Variants in PTPRM observed in about 807,000 individuals in gnomAD.
PTPRM encodes the protein receptor-type tyrosine-protein phosphatase mu.
PTPRM carries 47 observed loss-of-function variants against 186.7 expected under a neutral mutation model. The observed-to-expected ratio is 0.25, with a 90% CI of 0.20 to 0.32. The LOEUF (loss-of-function observed/expected upper bound fraction) is 0.32, where lower values mean the gene tolerates loss of function less well. Among genes scored for constraint, PTPRM ranks in the 10% least tolerant of loss-of-function variants. PTPRM has a pLI of 1.00. For synonymous variants in PTPRM, 668 were observed against 674.9 expected (o/e 0.99, Z 0.16); for missense variants, 1,494 against 1,865.0 (o/e 0.80, Z 3.66).
At chr18:7,750,225 T>G (rs533285373) in intron 1 of PTPRM, among the ~76,000 whole-genome samples, 1 of 152,360 alleles carries the variant, frequency 6.6e-6, no homozygotes, top group South Asian at 2.1e-4. Context: ...TAAGCTAAAT[T>G]TAAGTTTATA....
chr18:8,000,671 A>G (rs1379838808), intron 7 of PTPRM, among the ~76,000 whole-genome samples: 1 of 152,158 alleles, frequency 6.6e-6, no homozygotes, highest in Non-Finnish European at 1.5e-5. Flanking sequence ...CTTTAAACCT[A>G]CCTTTTTTGT....
At chr18:7,970,629 A>G (rs1356024868) in intron 7 of PTPRM, among the ~76,000 whole-genome samples, 7 of 93,258 alleles carry the variant, frequency 7.5e-5, no homozygotes, top group South Asian at 4.5e-4. Flanking sequence ...TACAAAATCA[A>G]TGTACAAAAA....
intron 1 of PTPRM, among the ~76,000 whole-genome samples, chr18:7,593,850 G>A (rs1431070073): frequency 6.6e-6 from 1 of 152,164 alleles, no homozygotes; most frequent in Non-Finnish European, 1.5e-5. Context: ...ACAGCTTGGT[G>A]AAGAAGACCA....
At chr18:7,906,377 A>C (rs1462195890) in intron 3 of PTPRM, 128 bp from the exon 4 acceptor site, 25 of 704,202 alleles carry the variant, frequency 3.6e-5, no homozygotes, top group Non-Finnish European at 6.2e-5. Flanking sequence ...ATTGACTAGC[A>C]GATGTTACGT....
At chr18:7,572,340 T>G (rs2036584729) in intron 1 of PTPRM, among the ~76,000 whole-genome samples, 1 of 152,174 alleles carries the variant, frequency 6.6e-6, no homozygotes, top group African/African-American at 2.4e-5. Flanking sequence ...TATAAATTCT[T>G]TATAAATGAA....
intron 19 of PTPRM, among the ~76,000 whole-genome samples, chr18:8,293,833 C>T (rs931604413): frequency 2.6e-5 from 4 of 152,088 alleles, no homozygotes; most frequent in Admixed American, 1.3e-4. Context: ...AATCAACTAG[C>T]GATTTTTAAT....
At chr18:7,847,419 A>G (rs914648551) in intron 2 of PTPRM, among the ~76,000 whole-genome samples, 6 of 152,064 alleles carry the variant, frequency 3.9e-5, no homozygotes, top group African/African-American at 1.4e-4. Context: ...CACCCGCCTC[A>G]GCCTCCTAAA....
intron 8 of PTPRM, among the ~76,000 whole-genome samples, chr18:8,071,446 C>A (rs2089470188): frequency 6.6e-6 from 1 of 152,056 alleles, no homozygotes; most frequent in Non-Finnish European, 1.5e-5. Context: ...TTTTTCTATT[C>A]TAATGTCCCC....
At chr18:7,790,642 T>C (rs956824302) in intron 2 of PTPRM, among the ~76,000 whole-genome samples, 1 of 152,242 alleles carries the variant, frequency 6.6e-6, no homozygotes, top group Non-Finnish European at 1.5e-5. Flanking sequence ...CTAAGACTTA[T>C]CTTTGACAAA....
intron 20 of PTPRM, among the ~76,000 whole-genome samples, chr18:8,311,892 G>C (rs1365087639): frequency 6.6e-6 from 1 of 152,196 alleles, no homozygotes; most frequent in East Asian, 1.9e-4. Flanking sequence ...CAGCCCATGG[G>C]TGGTAAATCA....
chr18:7,607,158 G>A (rs2037551036), intron 1 of PTPRM, among the ~76,000 whole-genome samples: 1 of 152,080 alleles, frequency 6.6e-6, no homozygotes, highest in Non-Finnish European at 1.5e-5. Flanking sequence ...AGTTGCCAGT[G>A]TTACTGCATC....
At chr18:8,369,743 G>T (rs1307876786) in intron 23 of PTPRM, among the ~76,000 whole-genome samples, 1 of 152,150 alleles carries the variant, frequency 6.6e-6, no homozygotes, top group East Asian at 1.9e-4. Context: ...ATCGCTTGAG[G>T]CCAGGAGTTC....
intron 3 of PTPRM, among the ~76,000 whole-genome samples, chr18:7,899,279 C>T (rs1411990193): frequency 6.6e-6 from 1 of 152,186 alleles, no homozygotes; most frequent in African/African-American, 2.4e-5. Context: ...CATTGCCCTG[C>T]CTGACTTCAG....
At chr18:8,055,895 A>G (rs2087891844) in intron 7 of PTPRM, among the ~76,000 whole-genome samples, 1 of 152,158 alleles carries the variant, frequency 6.6e-6, no homozygotes, top group Non-Finnish European at 1.5e-5. Flanking sequence ...CCATGGCTTA[A>G]TCTTTGGATG....
At chr18:8,348,256 C>A (rs543487226) in intron 23 of PTPRM, among the ~76,000 whole-genome samples, 2 of 152,382 alleles carry the variant, frequency 1.3e-5, no homozygotes. Context: ...TGGGGACCTG[C>A]TTCCCCCCAT....
intron 2 of PTPRM, among the ~76,000 whole-genome samples, chr18:7,829,803 T>G (rs2045668703): frequency 6.6e-6 from 1 of 152,202 alleles, no homozygotes; most frequent in Non-Finnish European, 1.5e-5. Context: ...AGTCCTCCTG[T>G]GTTGGGAATT....
chr18:7,717,248 C>T lies in PTPRM; in HGVS notation c.74-56901C>T, dbSNP rs186154645. Among the ~76,000 whole-genome samples the T allele has an allele frequency of 1.3e-5, 2 of 152,210 alleles. 1 individual carries two copies. On this transcript the variant is annotated intron_variant, in intron 1 of 32. Transcript: ENST00000580170. ...TCCTAAAACACCCATGGCCCCACCC[C>T]ACCCCATCCTCTGCCCGTAAAAACC...
chr18:8,199,570 T>A (rs188499898), intron 14 of PTPRM, among the ~76,000 whole-genome samples: 237 of 152,348 alleles, frequency 1.6e-3, no homozygotes, highest in South Asian at 5.4e-3. Context: ...AAGAAAAATC[T>A]ACACCATGGT....
chr18:7,656,177 C>T (rs2038843211), intron 1 of PTPRM, among the ~76,000 whole-genome samples: 1 of 152,172 alleles, frequency 6.6e-6, no homozygotes, highest in African/African-American at 2.4e-5. Flanking sequence ...GAAGAAACCC[C>T]AGGTGTTCAT....
Sources: allele counts gnomAD v4.1 joint callset (sites outside exome capture counted in the v4.1 genomes callset), GRCh38; gene constraint gnomAD v4.1.1; transcripts MANE v1.5; gene names NCBI Gene and HGNC (gene_info 2026-07-23, HGNC 2026-07-21).